Variants in SMC4 observed in about 807,000 individuals in gnomAD.
SMC4 encodes the protein structural maintenance of chromosomes protein 4.
A neutral mutation model predicts 145.6 loss-of-function variants in SMC4; 87 were observed. That is an observed-to-expected ratio of 0.60 (90% CI 0.50 to 0.71). The LOEUF (loss-of-function observed/expected upper bound fraction) is 0.71, where lower values mean the gene tolerates loss of function less well. Ranked by LOEUF, SMC4 falls within the 30% of genes least tolerant of loss-of-function variation. The pLI, the probability that SMC4 is intolerant of heterozygous loss-of-function variation, is 0.00. For missense variants in SMC4, 1,447 were observed against 1,537.1 expected, an observed-to-expected ratio of 0.94 and a Z score of 0.98; for synonymous variants, 558 against 500.7, an observed-to-expected ratio of 1.11 and a Z score of -1.53.
Position 160,417,888 on chromosome 3 carries a change from A to C in SMC4, c.1603A>C (p.Lys535Gln). Reference protein sequence around the residue: ...EALIAASETLKERKAAIRDIE... With the variant: ...EALIAASETLQERKAAIRDIE... ...TCTAATTGCAGCTTCTGAGACTCTC[A>C]AAGAAAGGAAAGCTGCAATCAGAGA... Residue 535 changes from lysine to glutamine, a missense_variant, in exon 11 of 24, where the codon AAA becomes CAA. Coordinates refer to ENST00000357388, the MANE Select transcript of SMC4 (RefSeq NM_001002800.3). 1 of 1,613,610 alleles carries C rather than the reference A, an allele frequency of 6.2e-7. No individual in the cohort carries two copies. Among genetic ancestry groups the C allele is most frequent in the South Asian group, 1.1e-5 (1 of 91,060 alleles).
intron 10 of SMC4, 38 bp downstream of exon 10, chr3:160,416,453 C>CTTT: frequency 3.0e-6 from 3 of 1,006,096 alleles, no homozygotes; most frequent in Non-Finnish European, 4.0e-6. Flanking sequence ...ATTTTGGTGG[C>CTTT]TTTTTTTTTT....
At chr3:160,414,140 T>C in intron 8 of SMC4, 1 of 539,676 alleles carries the variant, frequency 1.9e-6, no homozygotes, top group Non-Finnish European at 3.6e-6. Flanking sequence ...CTGGAAAATG[T>C]GTTATTTTCC....
Position 160,401,904 on chromosome 3 carries a change from C to G in SMC4, c.140-11C>G. ...GTTTGCCTTCGTTTTCCTTTCCTTTCACTGACTTAGAGACTGCAAGTGAGG... is the reference window on the plus strand; with the variant it reads ...GTTTGCCTTCGTTTTCCTTTCCTTTGACTGACTTAGAGACTGCAAGTGAGG... On this transcript the variant is annotated splice_polypyrimidine_tract_variant and intron_variant, in intron 2 of 23. Transcript: ENST00000357388. 6.4e-7 allele frequency: 1 copy of G among 1,557,066 alleles called. No individual in the cohort carries two copies. Among genetic ancestry groups the G allele is most frequent in the Non-Finnish European group, 8.6e-7 (1 of 1,157,112 alleles).
chr3:160,427,294 GTA>G (rs1717896147), intron 17 of SMC4, among the ~76,000 whole-genome samples: 2 of 152,204 alleles, frequency 1.3e-5, no homozygotes, highest in African/African-American at 2.4e-5. Context: ...GCTAACCCAT[GTA>G]TGTTTGAGAA....
In SMC4 at chr3:160,433,861, C is replaced by G. The variant is rs1718703652; in HGVS notation, c.*52C>G. 1 of 1,412,710 alleles carries G rather than the reference C, an allele frequency of 7.1e-7. No homozygotes were observed. Among genetic ancestry groups the G allele is most frequent in the Middle Eastern group, 1.8e-4 (1 of 5,598 alleles). 87.5% of individuals were successfully genotyped at this position (1,412,710 alleles called of 1,614,324 possible). A position where few individuals can be genotyped will look rare whatever the true frequency, so the allele number is the denominator to read the frequency against. ...GATTCAGTGTATTACTGATTTTTTT[C>G]TATTTGTAAAGGATTATGAGTTGTA... On this transcript the variant is annotated 3_prime_UTR_variant, in exon 24 of 24. Coordinates refer to ENST00000357388, the MANE Select transcript of SMC4 (RefSeq NM_001002800.3).
intron 5 of SMC4, chr3:160,404,749 C>T (rs1715131602): frequency 3.1e-6 from 2 of 647,086 alleles, no homozygotes; most frequent in East Asian, 3.4e-5. Flanking sequence ...ATACTTGTTC[C>T]ACTCTAGCAG....
intron 18 of SMC4, among the ~76,000 whole-genome samples, chr3:160,429,611 G>A (rs1157352936): frequency 1.3e-5 from 2 of 150,916 alleles, no homozygotes; most frequent in African/African-American, 4.9e-5. Flanking sequence ...CCTCCCAAAA[G>A]ACTGAGATTA....
intron 9 of SMC4, 147 bp from the exon 10 acceptor site, chr3:160,416,104 A>T (rs534264292): frequency 2.0e-5 from 9 of 454,690 alleles, no homozygotes; most frequent in African/African-American, 1.8e-4. Flanking sequence ...AGTCGGGAAA[A>T]TACTTGTTAA....
At chr3:160,433,559 C>T in intron 23 of SMC4, 98 bp from the exon 24 acceptor site, 2 of 680,232 alleles carry the variant, frequency 2.9e-6, no homozygotes, top group Non-Finnish European at 4.9e-6. Context: ...TACATGTTAT[C>T]AATGTAATGT....
At chr3:160,410,271 T>C (rs908122413) in intron 5 of SMC4, among the ~76,000 whole-genome samples, 7 of 152,190 alleles carry the variant, frequency 4.6e-5, no homozygotes, top group African/African-American at 1.4e-4. Context: ...AAGCATCTTA[T>C]AATGCCCAGC....
chr3:160,417,047 C>G (rs1452313834), intron 10 of SMC4, among the ~76,000 whole-genome samples: 1 of 151,990 alleles, frequency 6.6e-6, no homozygotes, highest in Non-Finnish European at 1.5e-5. Flanking sequence ...TATTATCTAC[C>G]CCAACAAGAG....
chr3:160,429,033 C>A (rs755156721), intron 18 of SMC4, 91 bp downstream of exon 18: 3 of 1,089,848 alleles, frequency 2.8e-6, no homozygotes, highest in Non-Finnish European at 3.9e-6. Flanking sequence ...TAAAATGTTT[C>A]TCTTACTGTT....
intron 7 of SMC4, 36 bp downstream of exon 7, chr3:160,412,489 T>C (rs1425889812): frequency 4.5e-6 from 7 of 1,565,700 alleles, no homozygotes; most frequent in Non-Finnish European, 5.2e-6. Flanking sequence ...ATTTTTATAT[T>C]AGTTTTTAAC....
chr3:160,400,631 T>C (rs1714472004), intron 1 of SMC4, 191 bp from the exon 2 acceptor site: 1 of 610,260 alleles, frequency 1.6e-6, no homozygotes, highest in Non-Finnish European at 2.6e-6. Flanking sequence ...TACATAGGTC[T>C]TGTTAAGAAA....
rs570725469 is a variant in SMC4 at position 160,411,504 on chromosome 3, C to T, written c.688-416C>T. ...TTTTTGAAAATTCTTTGTTTTAGAACAGGAGCTTCAATTGTGTTATTAACA... is the reference window on the plus strand; with the variant it reads ...TTTTTGAAAATTCTTTGTTTTAGAATAGGAGCTTCAATTGTGTTATTAACA... On this transcript the variant is annotated intron_variant, in intron 5 of 23. Coordinates refer to ENST00000357388, the MANE Select transcript of SMC4 (RefSeq NM_001002800.3). Among the ~76,000 whole-genome samples, 5 of 152,260 alleles carry T rather than the reference C, an allele frequency of 3.3e-5. No homozygotes were observed. In the South Asian group the frequency reaches 1.0e-3, roughly 32 times the overall value.
In SMC4 at chr3:160,415,798, A is replaced by G. The variant is rs151106297; in HGVS notation, c.1273-453A>G. 2.5e-3 allele frequency among the ~76,000 whole-genome samples: 379 copies of G among 152,370 alleles called. 1 individual carries two copies. The highest frequency in any genetic ancestry group is 8.4e-3 in the African/African-American group (351 of 41,594). ...TATTATCAGAAGATGTTAATGGAGT[A>G]AAATATTAGCCCTACATGATGACTC... On this transcript the variant is annotated intron_variant, in intron 9 of 23. Coordinates refer to ENST00000357388, the MANE Select transcript of SMC4 (RefSeq NM_001002800.3).
chr3:160,432,705 T>C (rs1234375706), intron 22 of SMC4, 190 bp downstream of exon 22: 1 of 539,980 alleles, frequency 1.9e-6, no homozygotes, highest in Non-Finnish European at 3.2e-6. Context: ...ATTTACAAAA[T>C]ATTTGTCTAG....
At chr3:160,417,208 A>C (rs948488734) in intron 10 of SMC4, among the ~76,000 whole-genome samples, 15 of 152,318 alleles carry the variant, frequency 9.8e-5, no homozygotes, top group African/African-American at 2.9e-4. Flanking sequence ...TCTAATGTCA[A>C]ACTATAAAAC....
chr3:160,416,120 G>A (rs1467456925), intron 9 of SMC4, 131 bp from the exon 10 acceptor site: 1 of 500,146 alleles, frequency 2.0e-6, no homozygotes, highest in Admixed American at 4.0e-5. Flanking sequence ...GTTAAAGCTA[G>A]CTAATTTAAC....
Sources: allele counts gnomAD v4.1 joint callset (sites outside exome capture counted in the v4.1 genomes callset), GRCh38; gene constraint gnomAD v4.1.1; transcripts MANE v1.5; gene names NCBI Gene and HGNC (gene_info 2026-07-23, HGNC 2026-07-21).